The following CDK17 variants were observed in gnomAD, a reference collection of about 807,000 sequenced individuals.
CDK17 encodes cyclin dependent kinase 17.
Under a neutral mutation model 77.6 loss-of-function variants are expected in CDK17, and 24 were observed. The ratio of observed to expected loss-of-function variants is 0.31; its 90% CI spans 0.22 to 0.44. The LOEUF is 0.44. CDK17 is among the 20% of genes least tolerant of loss of function. The pLI, the probability that CDK17 is intolerant of heterozygous loss-of-function variation, is 1.00. For synonymous variants in CDK17, 203 were observed against 210.4 expected (o/e 0.96, Z 0.30); for missense variants, 429 against 622.5 (o/e 0.69, Z 3.31).
intron 1 of CDK17, among the ~76,000 whole-genome samples, chr12:96,384,466 T>C (rs1023341371): frequency 6.6e-6 from 1 of 152,198 alleles, no homozygotes; most frequent in African/African-American, 2.4e-5. Flanking sequence ...CATAGGTTTA[T>C]GGCGGCACTA....
chr12:96,367,823 C>G (rs1427358795), intron 1 of CDK17, among the ~76,000 whole-genome samples: 1 of 150,012 alleles, frequency 6.7e-6, no homozygotes, highest in Non-Finnish European at 1.5e-5. Flanking sequence ...CAAGACCAGC[C>G]TGGACAACAC....
At chr12:96,282,805 C>T (rs1257712005) in intron 14 of CDK17, among the ~76,000 whole-genome samples, 2 of 152,198 alleles carry the variant, frequency 1.3e-5, no homozygotes, top group Non-Finnish European at 2.9e-5. Context: ...CTCAGTTCCA[C>T]ATTTCTAAGA....
At chr12:96,363,199 C>G (rs1953524227) in intron 1 of CDK17, among the ~76,000 whole-genome samples, 1 of 152,078 alleles carries the variant, frequency 6.6e-6, no homozygotes, top group Non-Finnish European at 1.5e-5. Context: ...GCCTGTAATC[C>G]CAGCACTTTG....
chr12:96,301,913 A>C (rs1437696368), intron 5 of CDK17, among the ~76,000 whole-genome samples: 4 of 152,156 alleles, frequency 2.6e-5, no homozygotes, highest in Non-Finnish European at 4.4e-5. Context: ...TGTTACAATG[A>C]TATGTATCAT....
At chr12:96,389,253 G>T (rs1004166065) in intron 1 of CDK17, among the ~76,000 whole-genome samples, 2 of 151,766 alleles carry the variant, frequency 1.3e-5, no homozygotes, top group Admixed American at 1.3e-4. Context: ...GGGATTACAG[G>T]CATGAGCCAC....
At chr12:96,338,840 T>C (rs1953084011) in intron 1 of CDK17, among the ~76,000 whole-genome samples, 1 of 152,130 alleles carries the variant, frequency 6.6e-6, no homozygotes, top group African/African-American at 2.4e-5. Context: ...TTTACCATTT[T>C]TAAGTGCAGT....
chr12:96,381,455 A>G (rs1953879173), intron 1 of CDK17, among the ~76,000 whole-genome samples: 1 of 152,056 alleles, frequency 6.6e-6, no homozygotes, highest in African/African-American at 2.4e-5. Flanking sequence ...CAACTCTTAT[A>G]GATATACTGA....
In CDK17 at chr12:96,340,227, C is replaced by T. The variant is rs185749758; in HGVS notation, c.-29-5362G>A. Among the ~76,000 whole-genome samples, 433 of 152,140 alleles carry T rather than the reference C, an allele frequency of 2.8e-3. 4 individuals are homozygous for T. Among genetic ancestry groups the T allele is most frequent in the Non-Finnish European group, 3.5e-3 (236 of 67,982 alleles). ...ACAATGTATCAGGGGACATTCTATG[C>T]GCTTCTAACTCAGAATAATACGCAT... is the stretch of plus-strand genomic sequence containing the variant. On this transcript the variant is annotated intron_variant, in intron 1 of 16. Transcript: ENST00000261211.
intron 1 of CDK17, among the ~76,000 whole-genome samples, chr12:96,352,925 T>C (rs1323019942): frequency 6.6e-6 from 1 of 152,220 alleles, no homozygotes; most frequent in East Asian, 1.9e-4. Flanking sequence ...TAAATACTGT[T>C]TGTTTTTCCA....
At chr12:96,294,130 A>G (rs1202275509) in intron 10 of CDK17, among the ~76,000 whole-genome samples, 1 of 152,218 alleles carries the variant, frequency 6.6e-6, no homozygotes, top group African/African-American at 2.4e-5. Context: ...TAACCACATT[A>G]TTTCTGTGTG....
intron 1 of CDK17, among the ~76,000 whole-genome samples, chr12:96,345,753 G>A (rs1953198967): frequency 6.6e-6 from 1 of 151,504 alleles, no homozygotes; most frequent in Non-Finnish European, 1.5e-5. Flanking sequence ...TAATCCTCAA[G>A]GTAACCACTA....
chr12:96,383,760 A>C (rs1213403891), intron 1 of CDK17, among the ~76,000 whole-genome samples: 1 of 152,174 alleles, frequency 6.6e-6, no homozygotes, highest in African/African-American at 2.4e-5. Context: ...TTTTTGTCCT[A>C]TACAAAAATT....
At chr12:96,299,016 A>C in intron 6 of CDK17, 33 bp from the exon 7 acceptor site, 1 of 1,059,926 alleles carries the variant, frequency 9.4e-7, no homozygotes, top group South Asian at 1.4e-5. Flanking sequence ...ACGCATCAAA[A>C]GTATCATAAG....
At chr12:96,339,633 T>C (rs1287247896) in intron 1 of CDK17, among the ~76,000 whole-genome samples, 2 of 152,012 alleles carry the variant, frequency 1.3e-5, no homozygotes, top group African/African-American at 4.8e-5. Context: ...ACTATTATAT[T>C]AATAACATGT....
intron 4 of CDK17, among the ~76,000 whole-genome samples, chr12:96,311,979 G>C (rs1252093590): frequency 2.0e-5 from 3 of 152,132 alleles, no homozygotes; most frequent in Admixed American, 1.3e-4. Context: ...ATAAGAAAGA[G>C]TATATGTGTA....
chr12:96,295,598 G>A (rs186081100), intron 9 of CDK17, among the ~76,000 whole-genome samples: 1 of 151,990 alleles, frequency 6.6e-6, no homozygotes, highest in East Asian at 1.9e-4. Flanking sequence ...CACTGGAATT[G>A]GCGATTTTAT....
chr12:96,289,673 C>T (rs563115679), intron 10 of CDK17, among the ~76,000 whole-genome samples: 12 of 152,316 alleles, frequency 7.9e-5, no homozygotes, highest in African/African-American at 2.6e-4. Context: ...AATTTTACTT[C>T]TAACGGCTAT....
At chr12:96,329,064 G>T (rs987549128) in intron 2 of CDK17, among the ~76,000 whole-genome samples, 6 of 152,106 alleles carry the variant, frequency 3.9e-5, no homozygotes, top group Non-Finnish European at 8.8e-5. Context: ...AATATTATAT[G>T]GTTCCACTCA....
chr12:96,350,433 A>C lies in CDK17; in HGVS notation c.-29-15568T>G, dbSNP rs575367943. On this transcript the variant is annotated intron_variant, in intron 1 of 16. Coordinates refer to ENST00000261211, the MANE Select transcript of CDK17 (RefSeq NM_002595.5). Reference sequence around the variant, plus strand: ...CCTTGAATAGTTTTGAACTAGAAGAACAAAGGTGGAGGTCTTATGTGTCCC... The same window carrying C: ...CCTTGAATAGTTTTGAACTAGAAGACCAAAGGTGGAGGTCTTATGTGTCCC... Among the ~76,000 whole-genome samples, 6 of 152,288 alleles carry C rather than the reference A, an allele frequency of 3.9e-5. No individual in the cohort carries two copies. The East Asian group carries it at 1.2e-3, about 29-fold the overall frequency.
Sources: gnomAD v4.1 joint callset for allele counts (sites outside exome capture counted in the v4.1 genomes callset) on GRCh38, gnomAD v4.1.1 for gene constraint, MANE v1.5 for transcripts, NCBI Gene and HGNC (gene_info 2026-07-23, HGNC 2026-07-21) for gene names.